Variants in LHFPL3 observed in about 807,000 individuals in gnomAD.
LHFPL3 encodes the protein LHFPL tetraspan subfamily member 3.
LHFPL3 carries 5 observed loss-of-function variants against 19.3 expected under a neutral mutation model. The observed-to-expected ratio is 0.26, with a 90% CI of 0.14 to 0.54. The LOEUF is 0.54. Ranked by LOEUF, LHFPL3 falls within the 20% of genes least tolerant of loss-of-function variation. The pLI is 0.94. For synonymous variants in LHFPL3, 133 were observed against 126.2 expected (o/e 1.05, Z -0.36); for missense variants, 249 against 307.4 (o/e 0.81, Z 1.42).
At chr7:104,726,867 C>T (rs1395112030) in intron 1 of LHFPL3, among the ~76,000 whole-genome samples, 2 of 152,146 alleles carry the variant, frequency 1.3e-5, no homozygotes, top group Non-Finnish European at 2.9e-5. Flanking sequence ...ATTGCTGGGT[C>T]AAATGCTATT....
intron 1 of LHFPL3, among the ~76,000 whole-genome samples, chr7:104,606,897 T>C (rs1791112917): frequency 6.6e-6 from 1 of 152,050 alleles, no homozygotes; most frequent in Non-Finnish European, 1.5e-5. Context: ...GGCTACGGGA[T>C]CCGTTGAATC....
chr7:104,788,361 G>C (rs762618754), intron 2 of LHFPL3, among the ~76,000 whole-genome samples: 1 of 152,158 alleles, frequency 6.6e-6, no homozygotes, highest in Non-Finnish European at 1.5e-5. Context: ...TCCTGCCAGC[G>C]ACAGCCTCTC....
intron 2 of LHFPL3, among the ~76,000 whole-genome samples, chr7:104,821,546 G>A (rs1305663763): frequency 1.3e-5 from 2 of 152,154 alleles, no homozygotes; most frequent in Non-Finnish European, 2.9e-5. Flanking sequence ...AAATCTTTGA[G>A]TTCCCAGGAG....
At chr7:104,841,188 A>G (rs566127866) in intron 2 of LHFPL3, among the ~76,000 whole-genome samples, 2 of 152,156 alleles carry the variant, frequency 1.3e-5, no homozygotes, top group African/African-American at 2.4e-5. Flanking sequence ...TTATAGAAAA[A>G]TGCACAAAAA....
intron 2 of LHFPL3, among the ~76,000 whole-genome samples, chr7:104,749,535 A>G (rs563978427): frequency 4.0e-4 from 61 of 152,414 alleles, no homozygotes; most frequent in Middle Eastern, 3.4e-3. Flanking sequence ...GTAAAAAAGC[A>G]ATCCTTTAGA....
Position 104,660,382 on chromosome 7 carries a change from A to G in LHFPL3, c.446-76293A>G, listed in dbSNP as rs543545774. Among the ~76,000 whole-genome samples the G allele has an allele frequency of 6.2e-4, 95 of 152,336 alleles. 1 individual carries two copies. In the South Asian group the frequency reaches 0.017, roughly 28 times the overall value. Reference sequence around the variant, plus strand: ...ACCATCCAGGTTTTGCCCATCTCCAATTCCAGGCTGATATCTCTTTCTGAT... The same window carrying G: ...ACCATCCAGGTTTTGCCCATCTCCAGTTCCAGGCTGATATCTCTTTCTGAT... On this transcript the variant is annotated intron_variant, in intron 1 of 2. Transcript: ENST00000424859.
At chr7:104,668,986 G>C (rs2116028680) in intron 1 of LHFPL3, 4 of 1,612,236 alleles carry the variant, frequency 2.5e-6, no homozygotes, top group Non-Finnish European at 3.4e-6. Flanking sequence ...TCAGGAACGG[G>C]AACGGTCGAG....
chr7:104,822,160 T>C (rs1014779551), intron 2 of LHFPL3, among the ~76,000 whole-genome samples: 21 of 152,190 alleles, frequency 1.4e-4, no homozygotes, highest in Admixed American at 6.5e-5. Context: ...CCGGTTTCAA[T>C]AGCCCAAGGT....
intron 1 of LHFPL3, among the ~76,000 whole-genome samples, chr7:104,562,866 G>T (rs1184216708): frequency 6.6e-4 from 100 of 151,068 alleles, no homozygotes; most frequent in Admixed American, 1.1e-3. Context: ...TTTTGGTGTG[G>T]ATGTCCTTTC....
intron 2 of LHFPL3, among the ~76,000 whole-genome samples, chr7:104,773,726 T>G (rs1450835485): frequency 6.6e-6 from 1 of 152,138 alleles, no homozygotes; most frequent in African/African-American, 2.4e-5. Context: ...ACAGGGAGAA[T>G]GCCATGTGAA....
chr7:104,380,089 C>T (rs148594322), intron 1 of LHFPL3, among the ~76,000 whole-genome samples: 4 of 152,254 alleles, frequency 2.6e-5, no homozygotes, highest in African/African-American at 9.6e-5. Context: ...GTTTGTCTTT[C>T]TATTATGACT....
chr7:104,826,017 G>C (rs186987423), intron 2 of LHFPL3, among the ~76,000 whole-genome samples: 5 of 152,024 alleles, frequency 3.3e-5, no homozygotes, highest in African/African-American at 1.2e-4. Flanking sequence ...CAAAGGGGAG[G>C]ATGGATATTG....
At chr7:104,505,886 C>T (rs564015974) in intron 1 of LHFPL3, among the ~76,000 whole-genome samples, 129 of 152,282 alleles carry the variant, frequency 8.5e-4, no homozygotes, top group African/African-American at 2.9e-3. Flanking sequence ...AGAAGTTATA[C>T]ATAGAAAGGA....
At chr7:104,629,747 C>T (rs1791607161) in intron 1 of LHFPL3, among the ~76,000 whole-genome samples, 1 of 152,190 alleles carries the variant, frequency 6.6e-6, no homozygotes, top group Non-Finnish European at 1.5e-5. Context: ...GTGTGTCAGT[C>T]ATATTGGCCC....
chr7:104,410,081 T>C (rs1022078412), intron 1 of LHFPL3, among the ~76,000 whole-genome samples: 8 of 152,156 alleles, frequency 5.3e-5, no homozygotes, highest in Non-Finnish European at 1.2e-4. Context: ...ACTAACCAGC[T>C]GCGTGACCTG....
intron 2 of LHFPL3, among the ~76,000 whole-genome samples, chr7:104,828,928 G>A (rs1464222375): frequency 6.6e-5 from 10 of 151,954 alleles, no homozygotes; most frequent in Admixed American, 1.3e-4. Flanking sequence ...CCAGCTTCTC[G>A]GGAGGCTGGG....
chr7:104,652,309 C>A (rs969141108), intron 1 of LHFPL3, among the ~76,000 whole-genome samples: 2 of 152,046 alleles, frequency 1.3e-5, no homozygotes, highest in African/African-American at 4.8e-5. Context: ...CATTGAAGGG[C>A]CAGTGGGGGA....
intron 1 of LHFPL3, among the ~76,000 whole-genome samples, chr7:104,331,243 ATGT>A (rs1366617831): frequency 6.6e-6 from 1 of 152,222 alleles, no homozygotes; most frequent in African/African-American, 2.4e-5. Flanking sequence ...GTGAAATATA[ATGT>A]TGTTCTCAGG....
intron 1 of LHFPL3, among the ~76,000 whole-genome samples, chr7:104,419,641 C>G (rs1023967295): frequency 1.3e-5 from 2 of 152,204 alleles, no homozygotes; most frequent in South Asian, 4.2e-4. Context: ...AGGTGGAAAT[C>G]AAATAGCTCA....
Sources: gnomAD v4.1 joint callset for allele counts (sites outside exome capture counted in the v4.1 genomes callset) on GRCh38, gnomAD v4.1.1 for gene constraint, MANE v1.5 for transcripts, NCBI Gene and HGNC (gene_info 2026-07-23, HGNC 2026-07-21) for gene names.